Variants in CSMD1 observed in about 807,000 individuals in gnomAD.
The protein encoded by CSMD1 is CUB and Sushi multiple domains 1.
A neutral mutation model predicts 417.5 loss-of-function variants in CSMD1; 213 were observed. The observed-to-expected ratio is 0.51, with a 90% CI of 0.46 to 0.57. The LOEUF is 0.57. Among genes scored for constraint, CSMD1 ranks in the 20% least tolerant of loss-of-function variants. CSMD1 has a pLI of 0.00. For synonymous variants in CSMD1, 2,862 were observed against 1,736.8 expected (o/e 1.65, Z -16.11); for missense variants, 6,923 against 4,529.7 (o/e 1.53, Z -15.17).
intron 3 of CSMD1, among the ~76,000 whole-genome samples, chr8:4,287,674 TTATTATTATTAC>T (rs1295815582): frequency 6.7e-6 from 1 of 149,700 alleles, no homozygotes; most frequent in Admixed American, 6.7e-5. Context: ...ATTATTATTA[TTATTATTATTAC>T]TACTACTTTG....
intron 3 of CSMD1, among the ~76,000 whole-genome samples, chr8:4,268,248 G>A (rs1015441112): frequency 2.0e-5 from 3 of 152,052 alleles, no homozygotes; most frequent in African/African-American, 7.2e-5. Context: ...GCAAAAGATG[G>A]CATTCAAATA....
chr8:4,924,515 G>C (rs945283843), intron 1 of CSMD1, among the ~76,000 whole-genome samples: 2 of 152,032 alleles, frequency 1.3e-5, no homozygotes, highest in Admixed American at 6.5e-5. Flanking sequence ...CTGAGGTCAG[G>C]AGTTCGAGAC....
chr8:3,045,431 G>C (rs2128985821), intron 50 of CSMD1, among the ~76,000 whole-genome samples: 2 of 152,236 alleles, frequency 1.3e-5, no homozygotes, highest in South Asian at 4.1e-4. Flanking sequence ...CTTAAGCCCT[G>C]TCATATGTTT....
At chr8:3,866,916 A>T (rs1003900955) in intron 5 of CSMD1, among the ~76,000 whole-genome samples, 1 of 152,180 alleles carries the variant, frequency 6.6e-6, no homozygotes, top group African/African-American at 2.4e-5. Context: ...TCATACTGCC[A>T]CTGGACATAT....
chr8:4,733,508 T>C (rs1810033726), intron 1 of CSMD1, among the ~76,000 whole-genome samples: 1 of 152,188 alleles, frequency 6.6e-6, no homozygotes, highest in South Asian at 2.1e-4. Context: ...CATAATCCTC[T>C]CAATGGTGCA....
rs182503461 is a variant in CSMD1 at position 3,010,764 on chromosome 8, G to C, written c.8029+7713C>G. Among the ~76,000 whole-genome samples the C allele has an allele frequency of 9.5e-5, 14 of 146,870 alleles. 1 individual carries two copies. The highest frequency in any genetic ancestry group is 9.5e-4 in the Admixed American group (14 of 14,808). ...TTCCCAACTTTTTTTTTTTTTTTGA[G>C]ATGAAATTTTGCTCTGTCACTCAGG... On this transcript the variant is annotated intron_variant, in intron 52 of 69. Transcript: ENST00000635120.
At chr8:4,956,247 AT>A (rs11346044) in intron 1 of CSMD1, among the ~76,000 whole-genome samples, 16,850 of 150,314 alleles carry the variant, frequency 0.11, 1,728 homozygotes, top group African/African-American at 0.28. Context: ...CTTACTCGCT[AT>A]TTTTTTTTAA....
chr8:3,455,195 T>C (rs1487169959), intron 12 of CSMD1, among the ~76,000 whole-genome samples: 4 of 152,190 alleles, frequency 2.6e-5, no homozygotes, highest in Admixed American at 2.0e-4. Context: ...GCATTGGTTA[T>C]TCTAGTTAGC....
chr8:4,712,437 T>C (rs1170119505), intron 1 of CSMD1, among the ~76,000 whole-genome samples: 1 of 152,208 alleles, frequency 6.6e-6, no homozygotes, highest in Non-Finnish European at 1.5e-5. Context: ...TACCTACTCT[T>C]ACTCTGAACC....
At chr8:4,787,095 G>A (rs1797439227) in intron 1 of CSMD1, among the ~76,000 whole-genome samples, 1 of 152,194 alleles carries the variant, frequency 6.6e-6, no homozygotes. Context: ...ATAGCAGGGT[G>A]ATACTCGGCC....
chr8:4,627,649 C>T (rs1228448821), intron 2 of CSMD1, among the ~76,000 whole-genome samples: 2 of 152,106 alleles, frequency 1.3e-5, no homozygotes, highest in East Asian at 3.9e-4. Context: ...CATCACCTCC[C>T]ATTCCTGGTC....
chr8:3,061,062 G>C (rs917086347), intron 49 of CSMD1, among the ~76,000 whole-genome samples: 3 of 152,162 alleles, frequency 2.0e-5, no homozygotes, highest in Non-Finnish European at 4.4e-5. Flanking sequence ...TTTATAATAT[G>C]TTATAGAAAC....
chr8:3,750,456 A>G (rs932215645), intron 6 of CSMD1, among the ~76,000 whole-genome samples: 1 of 151,954 alleles, frequency 6.6e-6, no homozygotes, highest in African/African-American at 2.4e-5. Flanking sequence ...TTTTCACTAT[A>G]ATTATTATTG....
chr8:3,771,879 C>T (rs1413526454), intron 5 of CSMD1, among the ~76,000 whole-genome samples: 1 of 152,048 alleles, frequency 6.6e-6, no homozygotes, highest in Non-Finnish European at 1.5e-5. Context: ...GAATCTGCCA[C>T]AGTCCTGATC....
intron 2 of CSMD1, among the ~76,000 whole-genome samples, chr8:4,573,155 C>A (rs1798966797): frequency 6.6e-6 from 1 of 152,148 alleles, no homozygotes; most frequent in Non-Finnish European, 1.5e-5. Flanking sequence ...CCGTTGTGTT[C>A]CCTTGCTGGC....
chr8:3,181,348 G>A (rs2129047628), intron 36 of CSMD1, 134 bp from the exon 37 acceptor site: 1 of 658,266 alleles, frequency 1.5e-6, no homozygotes, highest in Non-Finnish European at 2.6e-6. Flanking sequence ...TAATCTGAGT[G>A]TTGGTTTTAT....
chr8:3,729,186 G>A (rs777430066), intron 6 of CSMD1, among the ~76,000 whole-genome samples: 23 of 152,054 alleles, frequency 1.5e-4, no homozygotes, highest in Non-Finnish European at 2.5e-4. Flanking sequence ...TTACTGCCAC[G>A]CAATAAGCAA....
intron 1 of CSMD1, among the ~76,000 whole-genome samples, chr8:4,711,267 T>C (rs1236316728): frequency 3.3e-5 from 5 of 152,112 alleles, no homozygotes; most frequent in Admixed American, 6.6e-5. Context: ...ATCACACTTA[T>C]AAAAGAGCAC....
intron 5 of CSMD1, among the ~76,000 whole-genome samples, chr8:3,965,204 G>A (rs1285518045): frequency 6.6e-6 from 1 of 152,178 alleles, no homozygotes; most frequent in Non-Finnish European, 1.5e-5. Context: ...GACAAGGGCG[G>A]AAGGAGGGGC....
Sources: allele counts gnomAD v4.1 joint callset (sites outside exome capture counted in the v4.1 genomes callset), GRCh38; gene constraint gnomAD v4.1.1; transcripts MANE v1.5; gene names NCBI Gene and HGNC (gene_info 2026-07-23, HGNC 2026-07-21).